RAPGEF6: variants seen among roughly 807,000 people sequenced by gnomAD.
RAPGEF6 encodes the protein Rap guanine nucleotide exchange factor 6.
Under a neutral mutation model 171.4 loss-of-function variants are expected in RAPGEF6, and 56 were observed. The ratio of observed to expected loss-of-function variants is 0.33; its 90% CI spans 0.26 to 0.41. RAPGEF6 has a LOEUF of 0.41. RAPGEF6 is among the 10% of genes least tolerant of loss of function. The probability of loss-of-function intolerance (pLI) is 1.00; values close to 1 mark genes in which losing one functional copy is unlikely to be tolerated. For synonymous variants in RAPGEF6, 692 were observed against 650.1 expected, an observed-to-expected ratio of 1.06 and a Z score of -0.98; for missense variants, 1,674 against 1,921.4, an observed-to-expected ratio of 0.87 and a Z score of 2.41.
chr5:131,547,621 T>C (rs1456820803), intron 6 of RAPGEF6, among the ~76,000 whole-genome samples: 4 of 151,732 alleles, frequency 2.6e-5, no homozygotes, highest in Admixed American at 2.0e-4. Flanking sequence ...GCAATTCTCC[T>C]GCCTCAGTCT....
chr5:131,557,015 G>C (rs1273032487), intron 5 of RAPGEF6, among the ~76,000 whole-genome samples: 1 of 152,118 alleles, frequency 6.6e-6, no homozygotes, highest in Non-Finnish European at 1.5e-5. Flanking sequence ...GAGTGCAGTG[G>C]CTATTCACAG....
At chr5:131,442,654 A>T in intron 22 of RAPGEF6, 117 bp from the exon 23 acceptor site, 1 of 1,413,996 alleles carries the variant, frequency 7.1e-7, no homozygotes. Context: ...GATAAAATAG[A>T]TTAATTTTTC....
intron 6 of RAPGEF6, among the ~76,000 whole-genome samples, chr5:131,540,329 A>G (rs1043458412): frequency 1.5e-4 from 23 of 152,194 alleles, no homozygotes; most frequent in African/African-American, 5.3e-4. Flanking sequence ...GTGTTTTGGG[A>G]GGCTGCAGTG....
chr5:131,483,232 C>T (rs1220082392), intron 15 of RAPGEF6, among the ~76,000 whole-genome samples: 1 of 151,362 alleles, frequency 6.6e-6, no homozygotes, highest in Non-Finnish European at 1.5e-5. Context: ...GCCTGTAATC[C>T]CAGTTACTCC....
intron 7 of RAPGEF6, among the ~76,000 whole-genome samples, chr5:131,511,543 T>C (rs1258249608): frequency 1.3e-5 from 2 of 151,038 alleles, no homozygotes; most frequent in East Asian, 3.9e-4. Flanking sequence ...GACTGGAGTG[T>C]AGTGGTGTGC....
chr5:131,588,662 G>A (rs1000215783), intron 4 of RAPGEF6, among the ~76,000 whole-genome samples: 1 of 152,092 alleles, frequency 6.6e-6, no homozygotes, highest in African/African-American at 2.4e-5. Context: ...GGGATCACTT[G>A]AACCTGGGAG....
At position 131,461,789 on chromosome 5, in the gene RAPGEF6, C is replaced by T. The variant is rs769800639; in HGVS notation, c.2780G>A (p.Arg927Gln). The change falls in exon 19 of 28, where the codon CGA (arginine) becomes CAA (glutamine). Residue 927 changes from arginine to glutamine, a missense_variant. Arg to Gln is a conservative substitution (Grantham distance 43). Around this residue, in one of 3 missense-constraint regions of RAPGEF6, gnomAD observed 1,116 missense variants for 1,321.5 expected, o/e 0.84. Transcript: ENST00000509018. Reference protein sequence around the residue: ...EILTEANQLKRMKIIKHFIKI... With the variant: ...EILTEANQLKQMKIIKHFIKI... The stretch of plus-strand genomic sequence containing the variant: ...AATAAAATGCTTAATAATCTTCATT[C>T]GTTTGAGCTGATTTGCTTCAGTTAA... 6 of 1,613,472 alleles carry T rather than the reference C, an allele frequency of 3.7e-6. No individual in the cohort carries two copies. The highest frequency in any genetic ancestry group is 2.2e-5 in the East Asian group (1 of 44,864).
intron 3 of RAPGEF6, among the ~76,000 whole-genome samples, chr5:131,601,568 T>C (rs1176459517): frequency 6.6e-6 from 1 of 152,130 alleles, no homozygotes; most frequent in Non-Finnish European, 1.5e-5. Context: ...ATGTCATTCA[T>C]CATCATTAGT....
intron 1 of RAPGEF6, among the ~76,000 whole-genome samples, chr5:131,632,366 A>G (rs1327787506): frequency 1.3e-5 from 2 of 152,176 alleles, no homozygotes; most frequent in Non-Finnish European, 2.9e-5. Context: ...CCTATAGTTA[A>G]TGCCATCACA....
At chr5:131,617,478 G>C (rs1159647820) in intron 1 of RAPGEF6, among the ~76,000 whole-genome samples, 1 of 152,190 alleles carries the variant, frequency 6.6e-6, no homozygotes, top group African/African-American at 2.4e-5. Flanking sequence ...TTGAGACAGA[G>C]TTTCACTCTT....
At chr5:131,495,687 ATGGTTATAAG>A (rs1756596752) in intron 12 of RAPGEF6, 27 bp from the exon 13 acceptor site, 1 of 1,601,292 alleles carries the variant, frequency 6.2e-7, no homozygotes. Context: ...GAGGCAGCAT[ATGGTTATAAG>A]AGGCATTCCT....
At chr5:131,587,793 A>G (rs1276894263) in intron 4 of RAPGEF6, among the ~76,000 whole-genome samples, 1 of 152,164 alleles carries the variant, frequency 6.6e-6, no homozygotes, top group Non-Finnish European at 1.5e-5. Context: ...CATAAAACCT[A>G]GAAATGTTAC....
chr5:131,614,986 T>C (rs1275344012), intron 1 of RAPGEF6, among the ~76,000 whole-genome samples: 2 of 152,216 alleles, frequency 1.3e-5, no homozygotes, highest in African/African-American at 2.4e-5. Flanking sequence ...TTAGGAACTT[T>C]GTAGAAATGT....
At chr5:131,507,093 T>C (rs1350748125) in intron 9 of RAPGEF6, among the ~76,000 whole-genome samples, 1 of 149,228 alleles carries the variant, frequency 6.7e-6, no homozygotes, top group Admixed American at 6.7e-5. Context: ...AGCTATATAA[T>C]AATTTACTTA....
intron 21 of RAPGEF6, chr5:131,449,924 A>C: frequency 1.6e-6 from 2 of 1,284,130 alleles, no homozygotes; most frequent in Non-Finnish European, 2.2e-6. Flanking sequence ...GGGTTAATAG[A>C]ATTCATGCTA....
At chr5:131,628,379 C>A (rs1766078014) in intron 1 of RAPGEF6, among the ~76,000 whole-genome samples, 1 of 151,982 alleles carries the variant, frequency 6.6e-6, no homozygotes, top group African/African-American at 2.4e-5. Context: ...GTCCCTTAAG[C>A]CAAAACCTAA....
At chr5:131,490,896 C>T in intron 14 of RAPGEF6, among the ~76,000 whole-genome samples, 1 of 152,130 alleles carries the variant, frequency 6.6e-6, no homozygotes, top group East Asian at 1.9e-4. Flanking sequence ...GCTTATGAAA[C>T]TTAACTCAAA....
At chr5:131,501,825 T>C (rs1757044695) in intron 11 of RAPGEF6, among the ~76,000 whole-genome samples, 1 of 152,148 alleles carries the variant, frequency 6.6e-6, no homozygotes, top group Non-Finnish European at 1.5e-5. Flanking sequence ...GTACAGGTAG[T>C]AGTGGAATTG....
At chr5:131,464,440 T>C (rs1754179787) in intron 17 of RAPGEF6, 159 bp from the exon 18 acceptor site, 2 of 614,028 alleles carry the variant, frequency 3.3e-6, no homozygotes, top group Non-Finnish European at 5.6e-6. Flanking sequence ...TTGATAAATA[T>C]ATCCTTTTTT....
Sources: gnomAD v4.1 joint callset for allele counts (sites outside exome capture counted in the v4.1 genomes callset) on GRCh38, gnomAD v4.1.1 for gene constraint, gnomAD v4.1.1 regional missense constraint, MANE v1.5 for transcripts, NCBI Gene and HGNC (gene_info 2026-07-23, HGNC 2026-07-21) for gene names.